SLC12A8: variants seen among roughly 807,000 people sequenced by gnomAD.
SLC12A8 encodes the protein cation-chloride cotransporter 9.
In SLC12A8, 69 loss-of-function variants were observed where a neutral mutation model predicts 75.6. The ratio of observed to expected loss-of-function variants is 0.91; its 90% CI spans 0.75 to 1.11. The LOEUF is 1.11. Ranked by LOEUF, SLC12A8 falls within the 50% of genes most tolerant of loss-of-function variation. The pLI, the probability that SLC12A8 is intolerant of heterozygous loss-of-function variation, is 0.00. For missense variants in SLC12A8, 877 were observed against 896.7 expected (o/e 0.98, Z 0.28); for synonymous variants, 365 against 372.8 (o/e 0.98, Z 0.24).
chr3:125,173,452 C>CAAAAAAAAAAAAAA (rs61001520), intron 5 of SLC12A8, among the ~76,000 whole-genome samples: 10 of 79,622 alleles, frequency 1.3e-4, no homozygotes, highest in Admixed American at 3.4e-4. Context: ...ATTCATGAGC[C>CAAAAAAAAAAAAAA]AAAAAAAAAA....
chr3:125,138,244 T>C (rs190355535), intron 5 of SLC12A8, among the ~76,000 whole-genome samples: 127 of 152,046 alleles, frequency 8.4e-4, no homozygotes, highest in Non-Finnish European at 1.5e-3. Flanking sequence ...CTACTAAAAA[T>C]ACAAAAATTA....
chr3:125,087,361 G>C (rs1431960790), intron 13 of SLC12A8, among the ~76,000 whole-genome samples: 1 of 152,086 alleles, frequency 6.6e-6, no homozygotes, highest in East Asian at 1.9e-4. Flanking sequence ...CCAAAGTGCT[G>C]AGATTACAGG....
At chr3:125,152,321 C>T (rs959306112) in intron 5 of SLC12A8, among the ~76,000 whole-genome samples, 2 of 152,234 alleles carry the variant, frequency 1.3e-5, no homozygotes, top group Non-Finnish European at 2.9e-5. Flanking sequence ...GTACCATGCT[C>T]ATTCCTCATA....
chr3:125,204,964 A>G (rs1006007690), intron 2 of SLC12A8, among the ~76,000 whole-genome samples: 1 of 152,320 alleles, frequency 6.6e-6, no homozygotes, highest in East Asian at 1.9e-4. Context: ...AGCCATGAAC[A>G]CAGCTTTCTT....
chr3:125,170,946 A>T (rs1280804652), intron 5 of SLC12A8, among the ~76,000 whole-genome samples: 1 of 151,974 alleles, frequency 6.6e-6, no homozygotes, highest in African/African-American at 2.4e-5. Context: ...AAGAAAATAG[A>T]CTGAGAAGCT....
chr3:125,177,968 C>T lies in SLC12A8; in HGVS notation c.397G>A (p.Ala133Thr), dbSNP rs753939255. The T allele has an allele frequency of 6.2e-7, 1 of 1,612,018 alleles. No individual in the cohort carries two copies. The highest frequency in any genetic ancestry group is 8.5e-7 in the Non-Finnish European group (1 of 1,178,904). ...GLLYVFGQCV[A>T]GAMYITGFAE... ...AAGCCGGTGATATACATGGCACCTG[C>T]AACACACTGACATGCGATTCCAGGT... The change falls in exon 5 of 14, where the codon GCA becomes ACA. Residue 133 changes from alanine to threonine, a missense_variant. By Grantham distance (58) the Ala-to-Thr change is moderately conservative. Transcript: ENST00000469902.
chr3:125,201,233 A>T (rs567475041), intron 2 of SLC12A8, among the ~76,000 whole-genome samples: 4 of 152,054 alleles, frequency 2.6e-5, no homozygotes, highest in Non-Finnish European at 5.9e-5. Context: ...GTGAGACCCC[A>T]TCTCTACAAA....
At chr3:125,100,341 A>G (rs1229474839) in intron 10 of SLC12A8, among the ~76,000 whole-genome samples, 3 of 152,332 alleles carry the variant, frequency 2.0e-5, no homozygotes, top group African/African-American at 4.8e-5. Context: ...CATACACCTA[A>G]TTATCACAAA....
At chr3:125,084,555 A>C (rs1938410121) in intron 13 of SLC12A8, among the ~76,000 whole-genome samples, 1 of 152,264 alleles carries the variant, frequency 6.6e-6, no homozygotes, top group African/African-American at 2.4e-5. Context: ...TTTGACACCA[A>C]GGTGGCCTCA....
At chr3:125,166,898 A>C (rs1934302557) in intron 5 of SLC12A8, among the ~76,000 whole-genome samples, 1 of 152,224 alleles carries the variant, frequency 6.6e-6, no homozygotes, top group Non-Finnish European at 1.5e-5. Context: ...ACTTAGGGCC[A>C]GCTACATATG....
At chr3:125,184,147 A>G (rs1182651914) in intron 4 of SLC12A8, among the ~76,000 whole-genome samples, 4 of 151,650 alleles carry the variant, frequency 2.6e-5, no homozygotes, top group Admixed American at 1.3e-4. Flanking sequence ...TAATTTTTGT[A>G]TTTAGTAGAG....
At chr3:125,111,942 G>C (rs1169577912) in intron 8 of SLC12A8, among the ~76,000 whole-genome samples, 1 of 152,234 alleles carries the variant, frequency 6.6e-6, no homozygotes, top group African/African-American at 2.4e-5. Flanking sequence ...TGGCCAGGAT[G>C]CTGCCAACAC....
At chr3:125,085,659 C>T (rs900877149) in intron 13 of SLC12A8, among the ~76,000 whole-genome samples, 5 of 152,206 alleles carry the variant, frequency 3.3e-5, no homozygotes, top group African/African-American at 1.2e-4. Context: ...TTACTGCAAC[C>T]TCTGCCTCCC....
In SLC12A8 at chr3:125,108,063, C is replaced by G. The variant is rs1939083756; in HGVS notation, c.1123G>C (p.Val375Leu). The change falls in exon 10 of 14, where the codon GTT becomes CTT. Residue 375 changes from valine to leucine, a missense_variant. Coordinates refer to ENST00000469902, the MANE Select transcript of SLC12A8 (RefSeq NM_024628.6). ...AGAACGTTCACTTGACCCACAAAAA[C>G]AAAGGCCATGGTCACCAAGCTGGTC... ...CLTSLVTMAF[V>L]FVGQVNVLAP... 6.2e-7 allele frequency: 1 copy of G among 1,614,190 alleles called. No individual in the cohort carries two copies. Among genetic ancestry groups the G allele is most frequent in the Non-Finnish European group, 8.5e-7 (1 of 1,180,028 alleles).
chr3:125,133,180 T>A (rs990139355), intron 6 of SLC12A8, among the ~76,000 whole-genome samples: 1 of 151,984 alleles, frequency 6.6e-6, no homozygotes, highest in African/African-American at 2.4e-5. Flanking sequence ...AAAAGTGGGA[T>A]TGAGGAAAAT....
At chr3:125,195,445 G>A (rs1188868881) in intron 2 of SLC12A8, among the ~76,000 whole-genome samples, 2 of 152,192 alleles carry the variant, frequency 1.3e-5, no homozygotes, top group African/African-American at 2.4e-5. Flanking sequence ...TGATTTCCCT[G>A]GGTTAGGATC....
At chr3:125,137,411 TC>T (rs1933519381) in intron 5 of SLC12A8, among the ~76,000 whole-genome samples, 1 of 152,140 alleles carries the variant, frequency 6.6e-6, no homozygotes, top group South Asian at 2.1e-4. Flanking sequence ...TAGCTGGCCC[TC>T]CCCTCATTAA....
chr3:125,106,356 TTTG>T (rs1553786563), intron 10 of SLC12A8, among the ~76,000 whole-genome samples: 1 of 151,820 alleles, frequency 6.6e-6, no homozygotes. Context: ...TTTGGGGTTT[TTTG>T]TTGTTGTTGT....
intron 1 of SLC12A8, among the ~76,000 whole-genome samples, chr3:125,212,036 G>T (rs141490035): frequency 3.8e-4 from 58 of 152,134 alleles, no homozygotes; most frequent in African/African-American, 1.3e-3. Context: ...TCTGTGTGGC[G>T]CCTCTCCCCA....
Sources: allele counts gnomAD v4.1 joint callset (sites outside exome capture counted in the v4.1 genomes callset), GRCh38; gene constraint gnomAD v4.1.1; transcripts MANE v1.5; gene names NCBI Gene and HGNC (gene_info 2026-07-23, HGNC 2026-07-21).